CSMD1: variants seen among roughly 807,000 people sequenced by gnomAD.
CSMD1 encodes CUB and sushi domain-containing protein 1.
Under a neutral mutation model 417.5 loss-of-function variants are expected in CSMD1, and 213 were observed. The ratio of observed to expected loss-of-function variants is 0.51; its 90% CI spans 0.46 to 0.57. The LOEUF (loss-of-function observed/expected upper bound fraction) is 0.57, where lower values mean the gene tolerates loss of function less well. CSMD1 is among the 20% of genes least tolerant of loss of function. The pLI, the probability that CSMD1 is intolerant of heterozygous loss-of-function variation, is 0.00. For missense variants in CSMD1, 6,923 were observed against 4,529.7 expected, an observed-to-expected ratio of 1.53 and a Z score of -15.17; for synonymous variants, 2,862 against 1,736.8, an observed-to-expected ratio of 1.65 and a Z score of -16.11.
At chr8:3,628,729 G>A (rs1182480444) in intron 7 of CSMD1, among the ~76,000 whole-genome samples, 1 of 152,044 alleles carries the variant, frequency 6.6e-6, no homozygotes, top group Non-Finnish European at 1.5e-5. Flanking sequence ...TCACGTCACA[G>A]CTCATGAGAG....
chr8:4,026,640 T>C (rs1246187119), intron 4 of CSMD1, among the ~76,000 whole-genome samples: 3 of 152,244 alleles, frequency 2.0e-5, no homozygotes, highest in Non-Finnish European at 4.4e-5. Flanking sequence ...CCTGGGAAGC[T>C]ACAAGCTAAC....
chr8:3,823,407 G>C (rs886128062), intron 5 of CSMD1, among the ~76,000 whole-genome samples: 2 of 152,130 alleles, frequency 1.3e-5, no homozygotes, highest in African/African-American at 2.4e-5. Flanking sequence ...TTCAAGGCAA[G>C]GGATGATATT....
chr8:4,064,388 T>C (rs530964841), intron 3 of CSMD1, among the ~76,000 whole-genome samples: 1 of 152,212 alleles, frequency 6.6e-6, no homozygotes, highest in Non-Finnish European at 1.5e-5. Context: ...AGTTGTTTTC[T>C]CCCTCAATGT....
At chr8:3,603,834 C>G (rs1056504139) in intron 8 of CSMD1, among the ~76,000 whole-genome samples, 1 of 152,144 alleles carries the variant, frequency 6.6e-6, no homozygotes, top group Admixed American at 6.6e-5. Flanking sequence ...CCAATGATGT[C>G]CATACTTTCT....
intron 2 of CSMD1, among the ~76,000 whole-genome samples, chr8:4,606,969 A>C (rs890785868): frequency 8.5e-5 from 13 of 152,220 alleles, no homozygotes; most frequent in African/African-American, 3.1e-4. Flanking sequence ...GGAAATTGCT[A>C]AGATGCAAGT....
chr8:4,785,809 C>G (rs954909021), intron 1 of CSMD1, among the ~76,000 whole-genome samples: 4 of 152,090 alleles, frequency 2.6e-5, no homozygotes, highest in Non-Finnish European at 4.4e-5. Context: ...TGCCCAGACT[C>G]GTTAAATGGT....
intron 1 of CSMD1, among the ~76,000 whole-genome samples, chr8:4,835,324 C>T (rs1585183832): frequency 6.6e-6 from 1 of 152,018 alleles, no homozygotes; most frequent in East Asian, 1.9e-4. Flanking sequence ...GACAGGTTGA[C>T]CATGAGGGTC....
intron 1 of CSMD1, among the ~76,000 whole-genome samples, chr8:4,929,730 G>A (rs1276278855): frequency 1.3e-5 from 2 of 152,118 alleles, no homozygotes; most frequent in Admixed American, 6.5e-5. Context: ...CTTGACAAAT[G>A]GGGTGACATT....
At chr8:4,414,792 G>T (rs774601168) in intron 3 of CSMD1, among the ~76,000 whole-genome samples, 2 of 152,240 alleles carry the variant, frequency 1.3e-5, no homozygotes, top group African/African-American at 2.4e-5. Context: ...TGTGCCAAGT[G>T]TCAAGGATTC....
intron 9 of CSMD1, among the ~76,000 whole-genome samples, chr8:3,579,475 G>A (rs1294863170): frequency 2.0e-5 from 3 of 152,196 alleles, no homozygotes; most frequent in Non-Finnish European, 4.4e-5. Context: ...TGGGATTTCA[G>A]GAGTCGCATT....
intron 2 of CSMD1, among the ~76,000 whole-genome samples, chr8:4,471,188 C>G (rs1800510060): frequency 6.6e-6 from 1 of 152,100 alleles, no homozygotes. Context: ...ATTCCAACAA[C>G]ATTATTATGG....
chr8:2,967,229 C>T (rs1291918649), intron 57 of CSMD1, among the ~76,000 whole-genome samples: 1 of 152,262 alleles, frequency 6.6e-6, no homozygotes, highest in Middle Eastern at 3.5e-3. Context: ...CAGGAGAATT[C>T]ACTTTGGAAA....
At chr8:4,459,834 C>T (rs117509288) in intron 2 of CSMD1, among the ~76,000 whole-genome samples, 1 of 152,060 alleles carries the variant, frequency 6.6e-6, no homozygotes, top group Non-Finnish European at 1.5e-5. Flanking sequence ...GTCACTGGGC[C>T]TAGATAACTA....
intron 1 of CSMD1, among the ~76,000 whole-genome samples, chr8:4,975,593 C>T (rs1810505183): frequency 6.6e-6 from 1 of 152,122 alleles, no homozygotes; most frequent in South Asian, 2.1e-4. Context: ...GGACTAGAAA[C>T]CCCATCCTGT....
At chr8:3,653,352 G>C (rs918363426) in intron 7 of CSMD1, among the ~76,000 whole-genome samples, 2 of 151,948 alleles carry the variant, frequency 1.3e-5, no homozygotes, top group Non-Finnish European at 2.9e-5. Flanking sequence ...TTTGTTGTCC[G>C]GGCTGTACTG....
chr8:4,741,758 C>A (rs1265791120), intron 1 of CSMD1, among the ~76,000 whole-genome samples: 1 of 152,070 alleles, frequency 6.6e-6, no homozygotes, highest in Non-Finnish European at 1.5e-5. Flanking sequence ...AGTCTCAGGC[C>A]CCAACCCAGA....
chr8:3,879,635 G>A (rs927025903), intron 5 of CSMD1, among the ~76,000 whole-genome samples: 12 of 152,126 alleles, frequency 7.9e-5, no homozygotes, highest in Admixed American at 7.9e-4. Flanking sequence ...AAATGAAAAA[G>A]CACAAACATC....
chr8:4,390,818 G>C (rs111529901), intron 3 of CSMD1, among the ~76,000 whole-genome samples: 1 of 152,116 alleles, frequency 6.6e-6, no homozygotes, highest in Non-Finnish European at 1.5e-5. Context: ...TGGGATTACA[G>C]ACATGAGCCA....
Position 4,271,897 on chromosome 8 carries a change from G to T in CSMD1, c.415+148056C>A, listed in dbSNP as rs11995274. ...TACAGTCCTCCCTTGGTGTCCACAG[G>T]GGATTGGTTCGAGGATCCCCATACA... On this transcript the variant is annotated intron_variant, in intron 3 of 69. Coordinates refer to ENST00000635120, the MANE Select transcript of CSMD1 (RefSeq NM_033225.6). 2.5e-3 allele frequency among the ~76,000 whole-genome samples: 381 copies of T among 152,214 alleles called. 2 individuals are homozygous for T. The highest frequency in any genetic ancestry group is 8.3e-3 in the African/African-American group (346 of 41,536).
Sources: gnomAD v4.1 joint callset for allele counts (sites outside exome capture counted in the v4.1 genomes callset) on GRCh38, gnomAD v4.1.1 for gene constraint, MANE v1.5 for transcripts, NCBI Gene and HGNC (gene_info 2026-07-23, HGNC 2026-07-21) for gene names.